ZBED6: variants seen among roughly 807,000 people sequenced by gnomAD.
The protein encoded by ZBED6 is zinc finger BED-type containing 6.
Under a neutral mutation model 58.4 loss-of-function variants are expected in ZBED6, and 40 were observed. The observed-to-expected ratio is 0.68, with a 90% confidence interval of 0.53 to 0.89. ZBED6 has a LOEUF of 0.89. Ranked by LOEUF, ZBED6 falls within the 40% of genes least tolerant of loss-of-function variation. ZBED6 has a pLI of 0.00. For synonymous variants in ZBED6, 439 were observed against 350.6 expected (o/e 1.25, Z -2.82); for missense variants, 1,057 against 1,003.9 (o/e 1.05, Z -0.71).
In ZBED6 at chr1:203,833,618, G is replaced by GTTTTTTT. The variant is rs553171669; in HGVS notation, c.*3511-161_*3511-155dup. Among the ~76,000 whole-genome samples, 586 of 124,690 alleles carry GTTTTTTT rather than the reference G, an allele frequency of 4.7e-3. 9 individuals carry two copies. Among genetic ancestry groups the GTTTTTTT allele is most frequent in the South Asian group, 0.019 (74 of 3,844 alleles). 81.8% of individuals were successfully genotyped at this position (124,690 alleles called of 152,430 possible). On this transcript the variant is annotated intron_variant, in intron 8 of 16. Transcript: ENST00000550078. ...GGCTGTTTATTATTAATAGGTTTGG[G>GTTTTTTT]TTTTTTTTTTTTTTTTTTGATATAA...
exon 1 of ZBED6, chr1:203,799,693 A>G (rs1470596687): frequency 1.4e-6 from 1 of 712,494 alleles, no homozygotes; most frequent in Non-Finnish European, 2.5e-6. Flanking sequence ...CTTTCCCTGC[A>G]GAAACTCAGA....
intron 11 of ZBED6, among the ~76,000 whole-genome samples, chr1:203,841,544 T>A (rs1686205224): frequency 6.6e-6 from 1 of 152,248 alleles, no homozygotes; most frequent in South Asian, 2.1e-4. Context: ...GAGTCTCCCA[T>A]GTCTACTTCT....
intron 1 of ZBED6, among the ~76,000 whole-genome samples, chr1:203,814,434 G>T (rs1267994942): frequency 6.6e-6 from 1 of 152,118 alleles, no homozygotes; most frequent in African/African-American, 2.4e-5. Context: ...TGAGGCGGGA[G>T]AATTGCTTGA....
exon 17 of ZBED6, chr1:203,852,295 A>G (rs377038022): frequency 1.1e-5 from 17 of 1,613,634 alleles, no homozygotes; most frequent in Non-Finnish European, 1.4e-5. Flanking sequence ...TGAGAAACTA[A>G]TATGGGAGAT....
chr1:203,829,400 G>A, intron 4 of ZBED6, 51 bp from the exon 5 acceptor site: 4 of 1,600,992 alleles, frequency 2.5e-6, no homozygotes, highest in Non-Finnish European at 2.6e-6. Context: ...TTTTTGGTAA[G>A]TTGGGGTTGT....
intron 1 of ZBED6, among the ~76,000 whole-genome samples, chr1:203,815,211 C>CTT (rs199677164): frequency 3.4e-5 from 2 of 59,404 alleles, no homozygotes; most frequent in African/African-American, 9.5e-5. Context: ...TCTTCCTTTT[C>CTT]TTTTCTTTTT....
chr1:203,824,234 C>T (rs1679733837), intron 3 of ZBED6, among the ~76,000 whole-genome samples: 1 of 148,660 alleles, frequency 6.7e-6, no homozygotes, highest in South Asian at 2.1e-4. Flanking sequence ...CACCACTGTA[C>T]TCCAGCCTGG....
At chr1:203,797,999 C>A in exon 1 of ZBED6, 1 of 1,533,756 alleles carries the variant, frequency 6.5e-7, no homozygotes, top group Non-Finnish European at 8.7e-7. Flanking sequence ...AAAGCGTCAG[C>A]AGGGGTAAAC....
intron 3 of ZBED6, among the ~76,000 whole-genome samples, chr1:203,819,257 T>A (rs185626692): frequency 1.2e-3 from 178 of 150,132 alleles, no homozygotes; most frequent in Admixed American, 2.7e-3. Context: ...AGTCTCACTC[T>A]GTCGCCCACG....
intron 10 of ZBED6, among the ~76,000 whole-genome samples, chr1:203,838,788 TAA>T (rs1685153599): frequency 6.6e-6 from 1 of 151,726 alleles, no homozygotes; most frequent in Admixed American, 6.6e-5. Context: ...CCATCTTTAC[TAA>T]AAATACAAAA....
exon 17 of ZBED6, chr1:203,852,188 A>C: frequency 1.2e-6 from 2 of 1,613,324 alleles, no homozygotes; most frequent in Non-Finnish European, 1.7e-6. Context: ...TCACCCCCGG[A>C]GGTGTCTGGC....
chr1:203,812,153 G>C lies in ZBED6; in HGVS notation c.*2555-4773G>C, dbSNP rs36030067. 1.9e-3 allele frequency among the ~76,000 whole-genome samples: 288 copies of C among 152,200 alleles called. 2 individuals are homozygous for C. Among genetic ancestry groups the C allele is most frequent in the African/African-American group, 6.6e-3 (273 of 41,518 alleles). On this transcript the variant is annotated intron_variant, in intron 1 of 16. Transcript: ENST00000550078. ...TTTAAATTCAGGGGTACATGTGCAG[G>C]ATGTGCAGGTTTGTTACACAGGTAA...
At chr1:203,797,382 G>T in exon 1 of ZBED6, 1 of 759,232 alleles carries the variant, frequency 1.3e-6, no homozygotes, top group East Asian at 2.9e-5. Context: ...ACCTGGCTTG[G>T]AAGTTATTGG....
At chr1:203,802,209 A>G (rs1385126992) in exon 1 of ZBED6, 1 of 152,626 alleles carries the variant, frequency 6.6e-6, no homozygotes, top group Admixed American at 6.5e-5. Flanking sequence ...TGATGGATAT[A>G]TATACATACA....
chr1:203,812,918 A>G (rs1675005479), intron 1 of ZBED6, among the ~76,000 whole-genome samples: 1 of 152,172 alleles, frequency 6.6e-6, no homozygotes, highest in African/African-American at 2.4e-5. Context: ...TGCAATCCCT[A>G]ATGATGCATG....
chr1:203,830,280 C>A, intron 7 of ZBED6, 77 bp downstream of exon 7: 2 of 1,066,910 alleles, frequency 1.9e-6, no homozygotes, highest in Non-Finnish European at 2.8e-6. Context: ...GAAGCAACAG[C>A]CAAAATGAGC....
intron 1 of ZBED6, among the ~76,000 whole-genome samples, chr1:203,807,969 T>C (rs1672952235): frequency 6.6e-6 from 1 of 152,110 alleles, no homozygotes; most frequent in South Asian, 2.1e-4. Flanking sequence ...CTTGAACTCC[T>C]GGGTTCAAGC....
At chr1:203,839,590 A>G (rs904820833) in intron 10 of ZBED6, among the ~76,000 whole-genome samples, 3 of 152,152 alleles carry the variant, frequency 2.0e-5, no homozygotes, top group Admixed American at 2.0e-4. Context: ...TCTCAGAGCA[A>G]GCAAAAGTTA....
chr1:203,820,303 C>G (rs1036064732), intron 3 of ZBED6, among the ~76,000 whole-genome samples: 7 of 151,630 alleles, frequency 4.6e-5, no homozygotes, highest in South Asian at 2.1e-4. Flanking sequence ...TTGTCTCCTT[C>G]TGTTGAGAGC....
Sources: allele counts gnomAD v4.1 joint callset (sites outside exome capture counted in the v4.1 genomes callset), GRCh38; gene constraint gnomAD v4.1.1; transcripts MANE v1.5; gene names NCBI Gene and HGNC (gene_info 2026-07-23, HGNC 2026-07-21).